Variants in OR51L1 observed in about 807,000 individuals in gnomAD.
OR51L1 encodes the protein olfactory receptor family 51 subfamily L member 1.
OR51L1 carries 1 observed loss-of-function variant against 1.4 expected under a neutral mutation model. The ratio of observed to expected loss-of-function variants is 0.72; its 90% CI spans 0.26 to 3.42. The LOEUF (loss-of-function observed/expected upper bound fraction) is 3.42. Among genes scored for constraint, OR51L1 ranks in the 30% most tolerant of loss-of-function variants. The probability of loss-of-function intolerance (pLI) is 0.20; values close to 1 mark genes in which losing one functional copy is unlikely to be tolerated. For missense variants in OR51L1, 378 were observed against 380.0 expected (o/e 0.99, Z 0.04); for synonymous variants, 156 against 144.2 (o/e 1.08, Z -0.59).
chr11:4,996,836 T>C (rs1847077984), intron 1 of OR51L1, among the ~76,000 whole-genome samples: 1 of 151,868 alleles, frequency 6.6e-6, no homozygotes, highest in Admixed American at 6.6e-5. Context: ...TGTGTGTTCT[T>C]TTTATTTCGA....
At chr11:4,998,466 G>A (rs1847092483) in intron 2 of OR51L1, among the ~76,000 whole-genome samples, 1 of 151,676 alleles carries the variant, frequency 6.6e-6, no homozygotes, top group African/African-American at 2.4e-5. Flanking sequence ...TATTTAAAAT[G>A]TTTAAATATT....
rs535912665 is a variant in OR51L1 at position 5,001,828 on chromosome 11, A to G, written c.*1898A>G. 1.2e-4 allele frequency: 18 copies of G among 152,306 alleles called. No homozygotes were observed. Among genetic ancestry groups the G allele is most frequent in the Admixed American group, 4.6e-4 (7 of 15,304 alleles). 9.4% of individuals were successfully genotyped at this position (152,306 alleles called of 1,614,324 possible). A position where few individuals can be genotyped will look rare whatever the true frequency, so the allele number is the denominator to read the frequency against. On this transcript the variant is annotated 3_prime_UTR_variant, in exon 3 of 3. Coordinates refer to ENST00000641819, the MANE Select transcript of OR51L1 (RefSeq NM_001004755.2). ...TACTCATTAAATAATTGAAATAACT[A>G]TTATAGTTATTGCTGTTAGTACTGT...
rs777683677 is a variant in OR51L1 at position 4,999,764 on chromosome 11, C to T, written c.782C>T (p.Ser261Leu). 6.2e-7 allele frequency: 1 copy of T among 1,613,976 alleles called. No individual in the cohort carries two copies. The highest frequency in any genetic ancestry group is 8.5e-7 in the Non-Finnish European group (1 of 1,179,974). The part of the protein sequence containing the change: ...LIFFVPVIGV[S>L]MVHRFGKHLS... ...TTCTTTGTGCCAGTTATTGGGGTGT[C>T]AATGGTCCATCGCTTTGGGAAGCAT... The change falls in exon 3 of 3, where the codon TCA becomes TTA. Residue 261 changes from serine (S) to leucine (L), a missense_variant. Transcript: ENST00000641819.
At position 4,999,734 on chromosome 11, in the gene OR51L1, T is replaced by C; in HGVS notation, c.752T>C (p.Leu251Pro). ...TGTGTATCCCATATCTGTGTGGTGC[T>C]TATCTTCTTTGTGCCAGTTATTGGG... ...NTCVSHICVVLIFFVPVIGVS... is the reference protein window; with the variant it reads ...NTCVSHICVVPIFFVPVIGVS... The change falls in exon 3 of 3, where the codon CTT becomes CCT. Residue 251 changes from leucine to proline, a missense_variant. Coordinates refer to ENST00000641819, the MANE Select transcript of OR51L1 (RefSeq NM_001004755.2). 5 of 1,614,022 alleles carry C rather than the reference T, an allele frequency of 3.1e-6. No individual in the cohort carries two copies. Among genetic ancestry groups the C allele is most frequent in the Non-Finnish European group, 4.2e-6 (5 of 1,179,972 alleles).
rs1376714015 is a variant in OR51L1, at chr11:4,999,868, G to A, written c.886G>A (p.Val296Ile). The A allele has an allele frequency of 1.2e-6, 2 of 1,613,908 alleles. No homozygotes were observed. The highest frequency in any genetic ancestry group is 3.3e-5 in the Admixed American group (2 of 59,992). The part of the protein sequence containing the change: ...PPVLNPIVYS[V>I]RTKQIRLGIL... ...AGTCCTTAACCCTATTGTCTATAGTGTCAGAACAAAGCAGATTCGTCTAGG... is the reference window on the plus strand; with the variant it reads ...AGTCCTTAACCCTATTGTCTATAGTATCAGAACAAAGCAGATTCGTCTAGG... Residue 296 changes from valine to isoleucine, a missense_variant, in exon 3 of 3, where the codon GTC becomes ATC. By Grantham distance (29) the Val-to-Ile change is conservative. Coordinates refer to ENST00000641819, the MANE Select transcript of OR51L1 (RefSeq NM_001004755.2).
rs1847165466 is a variant in OR51L1 at position 5,005,199 on chromosome 11, G to A, written c.*5269G>A. 1 of 152,134 alleles carries A rather than the reference G, an allele frequency of 6.6e-6. No homozygotes were observed. The highest frequency in any genetic ancestry group is 6.6e-5 in the Admixed American group (1 of 15,264). 9.4% of individuals were successfully genotyped at this position (152,134 alleles called of 1,614,324 possible). A position where few individuals can be genotyped will look rare whatever the true frequency, so the allele number is the denominator to read the frequency against. ...GGTCTAGCTCCTAAAACTCCACACC[G>A]ATTATGTCACTTACAAGTTTATCTT... On this transcript the variant is annotated 3_prime_UTR_variant, in exon 3 of 3. Transcript: ENST00000641819.
chr11:4,998,311 C>G (rs557990206), intron 2 of OR51L1, among the ~76,000 whole-genome samples: 12 of 151,550 alleles, frequency 7.9e-5, no homozygotes, highest in African/African-American at 9.7e-5. Flanking sequence ...AGTTGCTATA[C>G]TAAACAGCTC....
rs771241341 is a variant in OR51L1 at position 5,002,466 on chromosome 11, A to G, written c.*2536A>G. ...GGCTCTGACATGGGCTATGATGGAC[A>G]AAGATATGTAGTTTCAGCCCCATTT... On this transcript the variant is annotated 3_prime_UTR_variant, in exon 3 of 3. Transcript: ENST00000641819. 6.6e-6 allele frequency: 1 copy of G among 152,208 alleles called. No individual in the cohort carries two copies. Among genetic ancestry groups the G allele is most frequent in the Non-Finnish European group, 1.5e-5 (1 of 68,038 alleles). 9.4% of individuals were successfully genotyped at this position (152,208 alleles called of 1,614,324 possible).
At chr11:4,995,514 G>T (rs1847060483) in intron 1 of OR51L1, among the ~76,000 whole-genome samples, 179 bp downstream of exon 1, 1 of 152,040 alleles carries the variant, frequency 6.6e-6, no homozygotes. Context: ...GTAATGTCTT[G>T]TTCCAATTAT....
rs757092880 is a variant in OR51L1 at position 4,999,836 on chromosome 11, T to G, written c.854T>G (p.Leu285Arg). 6.2e-7 allele frequency: 1 copy of G among 1,613,954 alleles called. No homozygotes were observed. Among genetic ancestry groups the G allele is most frequent in the Non-Finnish European group, 8.5e-7 (1 of 1,179,970 alleles). The change falls in exon 3 of 3, where the codon CTT (leucine) becomes CGT (arginine). Residue 285 changes from leucine (L) to arginine (R), a missense_variant. Leu to Arg is a moderately radical substitution (Grantham distance 102). Coordinates refer to ENST00000641819, the MANE Select transcript of OR51L1 (RefSeq NM_001004755.2). The stretch of plus-strand genomic sequence containing the variant: ...CTCATGGCAGACATCTACCTTCTTC[T>G]TCCCCCAGTCCTTAACCCTATTGTC... Reference protein sequence around the residue: ...HILMADIYLLLPPVLNPIVYS... With the variant: ...HILMADIYLLRPPVLNPIVYS...
intron 1 of OR51L1, among the ~76,000 whole-genome samples, chr11:4,995,913 G>C (rs925877238): frequency 2.0e-5 from 3 of 152,046 alleles, no homozygotes; most frequent in Non-Finnish European, 2.9e-5. Context: ...CACAGAAATA[G>C]AAACGGGAAA....
Position 5,005,171 on chromosome 11 carries a change from C to A in OR51L1, c.*5241C>A, listed in dbSNP as rs1275635316. On this transcript the variant is annotated 3_prime_UTR_variant, in exon 3 of 3. Coordinates refer to ENST00000641819, the MANE Select transcript of OR51L1 (RefSeq NM_001004755.2). ...CTAGTTGTAAATTTAGGTCCACAAT[C>A]CAGGTCTAGCTCCTAAAACTCCACA... 1 of 152,188 alleles carries A rather than the reference C, an allele frequency of 6.6e-6. No individual in the cohort carries two copies. Among genetic ancestry groups the A allele is most frequent in the Non-Finnish European group, 1.5e-5 (1 of 68,038 alleles). The allele number at this position is 152,188 out of a possible 1,614,324, so 9.4% of individuals were successfully genotyped here. A position where few individuals can be genotyped will look rare whatever the true frequency, so the allele number is the denominator to read the frequency against.
Position 5,004,869 on chromosome 11 carries a change from G to A in OR51L1, c.*4939G>A, listed in dbSNP as rs557223821. ...TGTAGAATTTATTTTTATGAATGATGAGGTAAGGTCAAGGCATATTTTTTG... is the reference window on the plus strand; with the variant it reads ...TGTAGAATTTATTTTTATGAATGATAAGGTAAGGTCAAGGCATATTTTTTG... On this transcript the variant is annotated 3_prime_UTR_variant, in exon 3 of 3. Transcript: ENST00000641819. The A allele has an allele frequency of 2.0e-5, 3 of 152,196 alleles. No homozygotes were observed. Among genetic ancestry groups the A allele is most frequent in the Admixed American group, 6.5e-5 (1 of 15,284 alleles). 9.4% of individuals were successfully genotyped at this position (152,196 alleles called of 1,614,324 possible). A position where few individuals can be genotyped will look rare whatever the true frequency, so the allele number is the denominator to read the frequency against.
In OR51L1 at chr11:5,005,278, C is replaced by G. The variant is rs557276405; in HGVS notation, c.*5348C>G. 1 of 152,326 alleles carries G rather than the reference C, an allele frequency of 6.6e-6. No individual in the cohort carries two copies. Among genetic ancestry groups the G allele is most frequent in the East Asian group, 1.9e-4 (1 of 5,180 alleles). The allele number at this position is 152,326 out of a possible 1,614,324, so 9.4% of individuals were successfully genotyped here. A position where few individuals can be genotyped will look rare whatever the true frequency, so the allele number is the denominator to read the frequency against. ...TTCTTCACCTACCCAGAGACGACTACATGATTGAGTCTTCCTTTACTCCCT... is the reference window on the plus strand; with the variant it reads ...TTCTTCACCTACCCAGAGACGACTAGATGATTGAGTCTTCCTTTACTCCCT... On this transcript the variant is annotated 3_prime_UTR_variant, in exon 3 of 3. Coordinates refer to ENST00000641819, the MANE Select transcript of OR51L1 (RefSeq NM_001004755.2).
At chr11:4,995,628 A>G (rs1391310458) in intron 1 of OR51L1, among the ~76,000 whole-genome samples, 1 of 152,102 alleles carries the variant, frequency 6.6e-6, no homozygotes, top group African/African-American at 2.4e-5. Context: ...TTCTCCCTTA[A>G]TTACCTGGAA....
At position 5,002,810 on chromosome 11, in the gene OR51L1, C is replaced by T. The variant is rs1230770994; in HGVS notation, c.*2880C>T. Reference sequence around the variant, plus strand: ...TTCCTTTTCATTTAAGATGATTATCCCAGGGATTCTCTTATTAAACAAACT... The same window carrying T: ...TTCCTTTTCATTTAAGATGATTATCTCAGGGATTCTCTTATTAAACAAACT... On this transcript the variant is annotated 3_prime_UTR_variant, in exon 3 of 3. Coordinates refer to ENST00000641819, the MANE Select transcript of OR51L1 (RefSeq NM_001004755.2). The T allele has an allele frequency of 6.6e-6, 1 of 152,058 alleles. No homozygotes were observed. The highest frequency in any genetic ancestry group is 1.5e-5 in the Non-Finnish European group (1 of 68,012). 9.4% of individuals were successfully genotyped at this position (152,058 alleles called of 1,614,324 possible).
In OR51L1 at chr11:4,998,844, T is replaced by G. The variant is rs938716393; in HGVS notation, c.-139T>G. On this transcript the variant is annotated 5_prime_UTR_variant, in exon 3 of 3. Transcript: ENST00000641819. ...CATAGGGCCGACAAGAGATACCAGC[T>G]TCCTTCCTCTGTGAGGTTAGACGAA... 1.9e-5 allele frequency: 17 copies of G among 910,564 alleles called. No individual in the cohort carries two copies. The African/African-American group carries it at 2.8e-4, about 15-fold the overall frequency. 56.4% of individuals were successfully genotyped at this position (910,564 alleles called of 1,614,324 possible). A position where few individuals can be genotyped will look rare whatever the true frequency, so the allele number is the denominator to read the frequency against.
intron 1 of OR51L1, 79 bp downstream of exon 1, chr11:4,995,414 G>A (rs779304606): frequency 1.3e-5 from 2 of 151,988 alleles, no homozygotes; most frequent in African/African-American, 2.4e-5. Context: ...GCTAAAGAGA[G>A]TAAAATTATG....
chr11:4,999,300 C>T lies in OR51L1; in HGVS notation c.318C>T (p.Ile106=). The change falls in exon 3 of 3, where the codon ATC becomes ATT. Residue 106 remains isoleucine, a synonymous_variant. Transcript: ENST00000641819. ...CTTGCTATGCTCAGCTGTTCTTCAT[C>T]CACACATTCACATTCCTGGAGTCCT... ...ASACYAQLFF[I]HTFTFLESSV... 1.2e-6 allele frequency: 2 copies of T among 1,614,132 alleles called. No homozygotes were observed. Among genetic ancestry groups the T allele is most frequent in the Non-Finnish European group, 1.7e-6 (2 of 1,180,004 alleles).
Sources: gnomAD v4.1 joint callset for allele counts (sites outside exome capture counted in the v4.1 genomes callset) on GRCh38, gnomAD v4.1.1 for gene constraint, MANE v1.5 for transcripts, NCBI Gene and HGNC (gene_info 2026-07-23, HGNC 2026-07-21) for gene names.